Variants in SLC9A4 observed in about 807,000 individuals in gnomAD.
SLC9A4 encodes sodium/hydrogen exchanger 4.
A neutral mutation model predicts 67.4 loss-of-function variants in SLC9A4; 63 were observed. That is an observed-to-expected ratio of 0.93 (90% confidence interval 0.76 to 1.15). SLC9A4 has a LOEUF of 1.15. Among genes scored for constraint, SLC9A4 ranks in the 50% most tolerant of loss-of-function variants. The pLI is 0.00. For missense variants in SLC9A4, 1,089 were observed against 987.7 expected, an observed-to-expected ratio of 1.10 and a Z score of -1.38; for synonymous variants, 393 against 367.2, an observed-to-expected ratio of 1.07 and a Z score of -0.80.
intron 8 of SLC9A4, among the ~76,000 whole-genome samples, chr2:102,518,506 T>C (rs139065085): frequency 3.3e-4 from 50 of 152,322 alleles, no homozygotes; most frequent in African/African-American, 1.2e-3. Context: ...GTGGTAACTG[T>C]ATATCAATAG....
At chr2:102,501,381 A>T (rs1558665311) in intron 2 of SLC9A4, among the ~76,000 whole-genome samples, 1 of 152,014 alleles carries the variant, frequency 6.6e-6, no homozygotes, top group Non-Finnish European at 1.5e-5. Context: ...TCGGCCTCCA[A>T]AAGTGCTAGG....
At chr2:102,517,426 T>C (rs1363157876) in intron 8 of SLC9A4, among the ~76,000 whole-genome samples, 1 of 151,672 alleles carries the variant, frequency 6.6e-6, no homozygotes, top group Non-Finnish European at 1.5e-5. Context: ...TCTTTTTACA[T>C]TATTATAGCA....
At chr2:102,524,888 C>T (rs1210035629) in intron 9 of SLC9A4, 136 bp from the exon 10 acceptor site, 3 of 1,021,834 alleles carry the variant, frequency 2.9e-6, no homozygotes, top group African/African-American at 3.2e-5. Flanking sequence ...CATTCGTAAT[C>T]AAGGCAAATG....
chr2:102,525,474 A>T (rs1674642736), intron 10 of SLC9A4, among the ~76,000 whole-genome samples: 1 of 149,368 alleles, frequency 6.7e-6, no homozygotes, highest in South Asian at 2.2e-4. Flanking sequence ...TTCAGTCCTC[A>T]TGGTCAGTAC....
At chr2:102,521,208 TA>T (rs1448770077) in intron 9 of SLC9A4, among the ~76,000 whole-genome samples, 9 of 152,222 alleles carry the variant, frequency 5.9e-5, no homozygotes, top group Non-Finnish European at 1.3e-4. Flanking sequence ...GGGAAAGGTC[TA>T]GAAACGGAGA....
Position 102,532,473 on chromosome 2 carries a change from C to A in SLC9A4, c.2182C>A (p.Gln728Lys). The change falls in exon 12 of 12, where the codon CAA becomes AAA. Residue 728 changes from glutamine (Q) to lysine (K), a missense_variant. Coordinates refer to ENST00000295269, the MANE Select transcript of SLC9A4 (RefSeq NM_001011552.4). ...AAGGAAGGCATTCAGCTTTGGTTAT[C>A]AAAGAAACACAAGCCAAGAAGAGTA... The part of the protein sequence containing the change: ...RGRKAFSFGY[Q>K]RNTSQEEYLG... 1 of 1,614,118 alleles carries A rather than the reference C, an allele frequency of 6.2e-7. No homozygotes were observed. Among genetic ancestry groups the A allele is most frequent in the South Asian group, 1.1e-5 (1 of 91,066 alleles).
At chr2:102,521,272 T>C (rs140970069) in intron 9 of SLC9A4, among the ~76,000 whole-genome samples, 22 of 152,286 alleles carry the variant, frequency 1.4e-4, no homozygotes, top group African/African-American at 4.6e-4. Flanking sequence ...TGCTCATCCT[T>C]TCTTTTCTTC....
intron 2 of SLC9A4, among the ~76,000 whole-genome samples, chr2:102,496,348 T>A (rs1241323237): frequency 6.6e-6 from 1 of 152,186 alleles, no homozygotes; most frequent in Non-Finnish European, 1.5e-5. Flanking sequence ...TGACTAGAAT[T>A]TAAAAAACTG....
rs149771451 is a variant in SLC9A4, at chr2:102,478,921, C to A, written c.339C>A (p.Ile113=). The A allele has an allele frequency of 9.9e-5, 159 of 1,614,100 alleles. No individual in the cohort carries two copies. In the African/African-American group the frequency reaches 1.8e-3, roughly 18 times the overall value. Residue 113 remains isoleucine, a synonymous_variant, in exon 2 of 12, where the codon ATC becomes ATA. Coordinates refer to ENST00000295269, the MANE Select transcript of SLC9A4 (RefSeq NM_001011552.4). ...LILVGALVGG[I]IFGTDHKSPP... is the part of the protein sequence containing the mutation. ...TGGTGGGGGCGCTGGTGGGCGGCAT[C>A]ATCTTCGGCACCGACCACAAATCGC...
chr2:102,480,346 T>C (rs2104414228), intron 2 of SLC9A4, among the ~76,000 whole-genome samples: 1 of 151,606 alleles, frequency 6.6e-6, no homozygotes, highest in Middle Eastern at 3.4e-3. Flanking sequence ...ATATAACAAG[T>C]CTTTCCGTGT....
At chr2:102,482,961 T>C (rs192890985) in intron 2 of SLC9A4, among the ~76,000 whole-genome samples, 2 of 152,216 alleles carry the variant, frequency 1.3e-5, no homozygotes, top group East Asian at 3.8e-4. Flanking sequence ...TCCTCCTGAG[T>C]TGTCTCTAGA....
chr2:102,515,877 A>C (rs973392703), intron 8 of SLC9A4, among the ~76,000 whole-genome samples: 2 of 152,100 alleles, frequency 1.3e-5, no homozygotes, highest in Non-Finnish European at 2.9e-5. Context: ...TGACGTTAAC[A>C]AAAAAGGCCA....
chr2:102,508,239 C>T lies in SLC9A4; in HGVS notation c.1359C>T (p.Val453=), dbSNP rs1456718544. The change falls in exon 5 of 12, where the codon GTC becomes GTT. Residue 453 remains valine (V), a synonymous_variant. Transcript: ENST00000295269. ...LSLFPRKKMF[V]TATLVVIYFT... ...TTTTTCCTAGGAAGAAAATGTTTGT[C>T]ACTGCTACTCTAGTAGTTATATACT... is the stretch of plus-strand genomic sequence containing the variant. 7.4e-6 allele frequency: 12 copies of T among 1,614,062 alleles called. No homozygotes were observed. Among genetic ancestry groups the T allele is most frequent in the Non-Finnish European group, 1.0e-5 (12 of 1,179,998 alleles).
intron 2 of SLC9A4, among the ~76,000 whole-genome samples, chr2:102,491,344 T>TTTTTTTTTTTTTTTG (rs1684695380): frequency 8.5e-6 from 1 of 118,238 alleles, no homozygotes; most frequent in Non-Finnish European, 1.7e-5. Flanking sequence ...TTTTTTTTTT[T>TTTTTTTTTTTTTTTG]TTTTTTTTAC....
intron 1 of SLC9A4, among the ~76,000 whole-genome samples, chr2:102,478,133 G>A (rs560301359): frequency 3.3e-5 from 5 of 152,298 alleles, no homozygotes; most frequent in African/African-American, 1.2e-4. Flanking sequence ...AAAATCATCT[G>A]GCAGTAGAGT....
Position 102,473,795 on chromosome 2 carries a change from G to A in SLC9A4, c.36G>A (p.Trp12Ter). 6.2e-7 allele frequency: 1 copy of A among 1,614,096 alleles called. No individual in the cohort carries two copies. Among genetic ancestry groups the A allele is most frequent in the Middle Eastern group, 1.6e-4 (1 of 6,062 alleles). The change falls in exon 1 of 12, where the codon TGG (tryptophan) becomes TGA (stop). Residue 12 changes from tryptophan to a stop codon, truncating the protein, a stop_gained. Coordinates refer to ENST00000295269, the MANE Select transcript of SLC9A4 (RefSeq NM_001011552.4). LOFTEE classifies it high-confidence loss of function. Reference protein sequence around the residue: ...ALQMFVTYSPWNCLLLLVALE... With the variant: ...ALQMFVTYSP ...AGATGTTCGTGACTTACAGTCCTTGGAATTGTTTGCTACTGCTAGTGGCTC... is the reference window on the plus strand; with the variant it reads ...AGATGTTCGTGACTTACAGTCCTTGAAATTGTTTGCTACTGCTAGTGGCTC...
chr2:102,528,416 T>TA (rs756011797), intron 11 of SLC9A4, among the ~76,000 whole-genome samples: 6 of 146,616 alleles, frequency 4.1e-5, no homozygotes, highest in African/African-American at 1.5e-4. Flanking sequence ...TTTTTTTTTT[T>TA]AATTTAAATT....
chr2:102,476,469 G>T (rs1285113287), intron 1 of SLC9A4, among the ~76,000 whole-genome samples: 1 of 152,184 alleles, frequency 6.6e-6, no homozygotes, highest in Non-Finnish European at 1.5e-5. Context: ...TAGGTGTGTG[G>T]CCTCTTCCTG....
chr2:102,510,481 T>G (rs1314090326), intron 6 of SLC9A4, among the ~76,000 whole-genome samples: 2 of 152,190 alleles, frequency 1.3e-5, no homozygotes, highest in Non-Finnish European at 2.9e-5. Flanking sequence ...TCAGGCCTGT[T>G]CTTAAGACAT....
Sources: allele counts gnomAD v4.1 joint callset (sites outside exome capture counted in the v4.1 genomes callset), GRCh38; gene constraint gnomAD v4.1.1; transcripts MANE v1.5; gene names NCBI Gene and HGNC (gene_info 2026-07-23, HGNC 2026-07-21).